SLC25A37: variants seen among roughly 807,000 people sequenced by gnomAD.
SLC25A37 encodes the protein solute carrier family 25 member 37, also known as mitoferrin-1.
Under a neutral mutation model 31.0 loss-of-function variants are expected in SLC25A37, and 17 were observed. The observed-to-expected ratio is 0.55, with a 90% CI of 0.38 to 0.82. SLC25A37 has a LOEUF of 0.82. SLC25A37 is among the 40% of genes least tolerant of loss of function. The probability of loss-of-function intolerance (pLI) is 0.00; values close to 1 mark genes in which losing one functional copy is unlikely to be tolerated. For synonymous variants in SLC25A37, 222 were observed against 193.0 expected (o/e 1.15, Z -1.24); for missense variants, 404 against 465.8 (o/e 0.87, Z 1.22).
At position 23,566,245 on chromosome 8, in the gene SLC25A37, G is replaced by A. The variant is rs10992; in HGVS notation, c.348G>A (p.Pro116=). 0.62 allele frequency: 995,962 copies of A among 1,595,958 alleles called. 324,333 individuals are homozygous for A. Among genetic ancestry groups the A allele is most frequent in the Non-Finnish European group, 0.68 (796,106 of 1,173,818 alleles). ...ACGTCATGATCATGGGTGCAGGGCC[G>A]GCCCATGCCATGTATTTTGCCTGCT... ...GVNVMIMGAG[P]AHAMYFACYE... The change falls in exon 2 of 4, where the codon CCG becomes CCA. Residue 116 remains proline (P), a synonymous_variant. Coordinates refer to ENST00000519973, the MANE Select transcript of SLC25A37 (RefSeq NM_016612.4).
chr8:23,532,859 G>A (rs946707096), intron 1 of SLC25A37, among the ~76,000 whole-genome samples: 2 of 152,224 alleles, frequency 1.3e-5, no homozygotes, highest in Admixed American at 1.3e-4. Flanking sequence ...AGGGTGCTGG[G>A]GGGCAGTGCA....
chr8:23,551,339 A>AG (rs970934053), intron 1 of SLC25A37, among the ~76,000 whole-genome samples: 3 of 152,154 alleles, frequency 2.0e-5, no homozygotes, highest in Admixed American at 6.5e-5. Flanking sequence ...AGAGTCCCTT[A>AG]GGGGGCCACC....
At chr8:23,568,527 G>A (rs1391928405) in intron 3 of SLC25A37, 149 bp downstream of exon 3, 9 of 820,332 alleles carry the variant, frequency 1.1e-5, no homozygotes, top group South Asian at 1.5e-5. Context: ...TTTTTACTAC[G>A]TTATCAAAGG....
Position 23,529,626 on chromosome 8 carries a change from C to G in SLC25A37, c.210+414C>G, listed in dbSNP as rs939819133. Among the ~76,000 whole-genome samples the G allele has an allele frequency of 3.3e-5, 5 of 152,212 alleles. No individual in the cohort carries two copies. The highest frequency in any genetic ancestry group is 1.2e-4 in the African/African-American group (5 of 41,456). ...ACGTGCGCGGTTTCCGAGGGAGCTCCCCGCAGGGGAAGCCCTCACCACGCT... is the reference window on the plus strand; with the variant it reads ...ACGTGCGCGGTTTCCGAGGGAGCTCGCCGCAGGGGAAGCCCTCACCACGCT... On this transcript the variant is annotated intron_variant, in intron 1 of 3. Transcript: ENST00000519973. The surrounding 1 kb of genome is among the most constrained non-coding windows in gnomAD (Gnocchi z 4.1).
chr8:23,546,553 A>ATAG (rs377556225), intron 1 of SLC25A37, among the ~76,000 whole-genome samples: 416 of 17,070 alleles, frequency 0.024, 7 homozygotes, highest in Non-Finnish European at 0.042. Flanking sequence ...ATATATATAT[A>ATAG]GTGTATATAT....
At chr8:23,541,004 C>G (rs1801880528) in intron 1 of SLC25A37, among the ~76,000 whole-genome samples, 1 of 152,240 alleles carries the variant, frequency 6.6e-6, no homozygotes. Context: ...CATTCCAGCA[C>G]TAGGACTCAG....
chr8:23,531,866 AT>A (rs1431749746), intron 1 of SLC25A37: 1 of 152,202 alleles, frequency 6.6e-6, no homozygotes, highest in Non-Finnish European at 1.5e-5. Flanking sequence ...TGTTTTTTAC[AT>A]GGTGGGCCAT....
In SLC25A37 at chr8:23,572,198, A is replaced by G. The variant is rs1802872774; in HGVS notation, c.*343A>G. The stretch of plus-strand genomic sequence containing the variant: ...GGGAAGAAAATTTGCAGTGACTGAA[A>G]ACAGTAAAAAAAAAAAAAAAAAAAA... On this transcript the variant is annotated 3_prime_UTR_variant, in exon 4 of 4. Coordinates refer to ENST00000519973, the MANE Select transcript of SLC25A37 (RefSeq NM_016612.4). 7.9e-6 allele frequency: 1 copy of G among 127,116 alleles called. No homozygotes were observed. Among genetic ancestry groups the G allele is most frequent in the African/African-American group, 3.6e-5 (1 of 27,722 alleles). The allele number at this position is 127,116 out of a possible 1,614,324, so 7.9% of individuals were successfully genotyped here.
At chr8:23,555,681 A>G (rs745980581) in intron 1 of SLC25A37, among the ~76,000 whole-genome samples, 17 of 152,220 alleles carry the variant, frequency 1.1e-4, no homozygotes, top group Non-Finnish European at 2.1e-4. Context: ...GGTCCACTTC[A>G]GAGGCGGCAG....
intron 1 of SLC25A37, among the ~76,000 whole-genome samples, chr8:23,559,337 T>TTGTGTGTG (rs746195333): frequency 7.5e-6 from 1 of 133,204 alleles, no homozygotes; most frequent in Non-Finnish European, 1.7e-5. Context: ...CTGTCTCCGG[T>TTGTGTGTG]TGTGTGTGTG....
chr8:23,561,841 C>T (rs1381434875), intron 1 of SLC25A37, among the ~76,000 whole-genome samples: 2 of 152,240 alleles, frequency 1.3e-5, no homozygotes, highest in African/African-American at 4.8e-5. Context: ...TATTTTCAAA[C>T]ATTTCCCGGG....
chr8:23,549,850 G>A (rs1802175334), intron 1 of SLC25A37, among the ~76,000 whole-genome samples: 1 of 138,240 alleles, frequency 7.2e-6, no homozygotes, highest in Non-Finnish European at 1.5e-5. Flanking sequence ...AACCTGTGGG[G>A]TGGGCCCCAG....
chr8:23,558,408 C>T (rs2117437176), intron 1 of SLC25A37, among the ~76,000 whole-genome samples: 1 of 152,298 alleles, frequency 6.6e-6, no homozygotes, highest in Admixed American at 6.5e-5. Flanking sequence ...TCTTGGGCCT[C>T]AGTTTCCCAT....
intron 1 of SLC25A37, among the ~76,000 whole-genome samples, chr8:23,541,054 C>T (rs1346252104): frequency 6.6e-6 from 1 of 152,232 alleles, no homozygotes; most frequent in African/African-American, 2.4e-5. Context: ...TCTCTCCTTA[C>T]AGTGTCTCCC....
intron 1 of SLC25A37, among the ~76,000 whole-genome samples, chr8:23,538,396 A>C (rs1488960144): frequency 7.0e-6 from 1 of 143,720 alleles, no homozygotes; most frequent in East Asian, 2.3e-4. Flanking sequence ...AAAAAAAAAA[A>C]AAAAAAAAAA....
At chr8:23,555,243 G>A (rs1280348969) in intron 1 of SLC25A37, among the ~76,000 whole-genome samples, 2 of 152,034 alleles carry the variant, frequency 1.3e-5, no homozygotes, top group Non-Finnish European at 2.9e-5. Context: ...TTCTTTCCCA[G>A]TCAAAGTAAC....
At chr8:23,546,810 T>C (rs1305384840) in intron 1 of SLC25A37, among the ~76,000 whole-genome samples, 2 of 151,922 alleles carry the variant, frequency 1.3e-5, no homozygotes, top group African/African-American at 4.8e-5. Flanking sequence ...AGCTACTTAT[T>C]TGTTTTTAAA....
chr8:23,534,480 C>A lies in SLC25A37; in HGVS notation c.210+5268C>A, dbSNP rs1486319507. On this transcript the variant is annotated intron_variant, in intron 1 of 3. Transcript: ENST00000519973. ...TTCCTGACCCAGCTTTCCATTGCTT[C>A]TTTCCCACTTCTCTCATTTTTCCAG... 2.0e-5 allele frequency among the ~76,000 whole-genome samples: 3 copies of A among 152,328 alleles called. No individual in the cohort carries two copies. In the South Asian group the frequency reaches 6.2e-4, roughly 32 times the overall value.
chr8:23,557,452 C>T (rs976295005), intron 1 of SLC25A37, among the ~76,000 whole-genome samples: 7 of 152,206 alleles, frequency 4.6e-5, no homozygotes, highest in African/African-American at 1.7e-4. Flanking sequence ...CTTAGGAAGA[C>T]AGTCCTTTCC....
Sources: allele counts gnomAD v4.1 joint callset (sites outside exome capture counted in the v4.1 genomes callset), GRCh38; gene constraint gnomAD v4.1.1; non-coding constraint Gnocchi (gnomAD v3.1); transcripts MANE v1.5; gene names NCBI Gene and HGNC (gene_info 2026-07-23, HGNC 2026-07-21).